ZNF7: variants seen among roughly 807,000 people sequenced by gnomAD.
ZNF7 encodes C2-H2 type zinc finger protein.
In ZNF7, 10 loss-of-function variants were observed where a neutral mutation model predicts 12.0. The observed-to-expected ratio is 0.83, with a 90% CI of 0.51 to 1.42. ZNF7 has a LOEUF of 1.42. ZNF7 is among the 40% of genes most tolerant of loss of function. The pLI is 0.00. For missense variants in ZNF7, 854 were observed against 837.2 expected (o/e 1.02, Z -0.25); for synonymous variants, 334 against 295.0 (o/e 1.13, Z -1.35).
chr8:144,842,834 C>G lies in ZNF7; in HGVS notation c.1727C>G (p.Ala576Gly). ...STLFQHQIIH[A>G]GVKPYECSEC... ...CTTTTCCAACACCAGATAATTCATG[C>G]AGGGGTGAAGCCCTATGAGTGCAGT... The change falls in exon 5 of 5, where the codon GCA (alanine) becomes GGA (glycine). Residue 576 changes from alanine (A) to glycine (G), a missense_variant. Ala to Gly is a moderately conservative substitution (Grantham distance 60, BLOSUM62 0). Coordinates refer to ENST00000532777, the MANE Select transcript of ZNF7 (RefSeq NM_003416.4). 3.1e-6 allele frequency: 5 copies of G among 1,614,156 alleles called. No individual in the cohort carries two copies. The highest frequency in any genetic ancestry group is 3.4e-6 in the Non-Finnish European group (4 of 1,180,028).
rs766069681 is a variant in ZNF7 at position 144,829,496 on chromosome 8, G to A, written c.22G>A (p.Asp8Asn). ...CTTTCAGGAGGTGGTAACATTTGGC[G>A]ATGTGGCTGTGCACTTCTCTCGGGA... The part of the protein sequence containing the change: MEVVTFG[D>N]VAVHFSREEW... Residue 8 changes from aspartate (D) to asparagine (N), a missense_variant, in exon 3 of 5, where the codon GAT becomes AAT. By Grantham distance (23) the Asp-to-Asn change is conservative. Transcript: ENST00000532777. 1.2e-6 allele frequency: 2 copies of A among 1,614,042 alleles called. No homozygotes were observed. The highest frequency in any genetic ancestry group is 1.3e-5 in the African/African-American group (1 of 74,952).
At chr8:144,836,615 T>C (rs1829025806) in intron 3 of ZNF7, 1 of 152,292 alleles carries the variant, frequency 6.6e-6, no homozygotes, top group Admixed American at 6.5e-5. Context: ...CTGTTGAATG[T>C]GGAGTCCTGC....
In ZNF7 at chr8:144,829,037, C is replaced by T; in HGVS notation, c.-45-6C>T. On this transcript the variant is annotated splice_region_variant and splice_polypyrimidine_tract_variant and intron_variant, in intron 1 of 4. Transcript: ENST00000532777. Reference sequence around the variant, plus strand: ...TGACCTCTAATCCTTTCATAATTGCCAACAGGTCTCTCGGCCAGAACACGT... The same window carrying T: ...TGACCTCTAATCCTTTCATAATTGCTAACAGGTCTCTCGGCCAGAACACGT... 2 of 1,613,572 alleles carry T rather than the reference C, an allele frequency of 1.2e-6. No homozygotes were observed. Among genetic ancestry groups the T allele is most frequent in the Non-Finnish European group, 1.7e-6 (2 of 1,179,784 alleles).
Position 144,841,286 on chromosome 8 carries a change from C to T in ZNF7, c.248-69C>T, listed in dbSNP as rs74621046. 4,410 of 1,484,368 alleles carry T rather than the reference C, an allele frequency of 3.0e-3. 103 individuals carry two copies. In the African/African-American group the frequency reaches 0.053, roughly 18 times the overall value. 91.9% of individuals were successfully genotyped at this position (1,484,368 alleles called of 1,614,324 possible). A position where few individuals can be genotyped will look rare whatever the true frequency, so the allele number is the denominator to read the frequency against. ...CCTGGGAGCCTTGAGCCCTGGCCCCCGCATTTGTAGTCTTATCATTTCTCT... is the reference window on the plus strand; with the variant it reads ...CCTGGGAGCCTTGAGCCCTGGCCCCTGCATTTGTAGTCTTATCATTTCTCT... On this transcript the variant is annotated intron_variant, in intron 4 of 4. Transcript: ENST00000532777.
chr8:144,847,100 G>A (rs886634591), downstream of ZNF7: 5 of 152,188 alleles, frequency 3.3e-5, no homozygotes, highest in African/African-American at 1.2e-4. Flanking sequence ...TTAAATTCAA[G>A]CTACTGCACA....
chr8:144,829,615 A>G lies in ZNF7; in HGVS notation c.130+11A>G, dbSNP rs1586786876. 1.3e-6 allele frequency: 2 copies of G among 1,597,864 alleles called. No individual in the cohort carries two copies. The highest frequency in any genetic ancestry group is 1.3e-5 in the African/African-American group (1 of 74,604). On this transcript the variant is annotated intron_variant, in intron 3 of 4. Coordinates refer to ENST00000532777, the MANE Select transcript of ZNF7 (RefSeq NM_003416.4). ...GTGTGGCTGGACTAGGTGAGGCTGC[A>G]CCTTGGGGCCCCTTCCCCTGCATCA... is the stretch of plus-strand genomic sequence containing the variant.
chr8:144,828,347 A>G (rs1161737428), intron 1 of ZNF7, among the ~76,000 whole-genome samples: 1 of 152,156 alleles, frequency 6.6e-6, no homozygotes, highest in African/African-American at 2.4e-5. Context: ...GGAGACTGGA[A>G]TTTATGTACT....
downstream of ZNF7, among the ~76,000 whole-genome samples, chr8:144,845,209 C>T (rs1442442570): frequency 6.6e-6 from 1 of 152,160 alleles, no homozygotes; most frequent in African/African-American, 2.4e-5. Context: ...GTGGCCATTC[C>T]ACCTAGGAGG....
chr8:144,839,677 G>C (rs1373714514), intron 4 of ZNF7, among the ~76,000 whole-genome samples: 1 of 152,252 alleles, frequency 6.6e-6, no homozygotes, highest in Admixed American at 6.5e-5. Context: ...CAGGGATGTA[G>C]CCTCTTAGAT....
chr8:144,830,814 A>C, intron 3 of ZNF7: 1 of 378,984 alleles, frequency 2.6e-6, no homozygotes, highest in Non-Finnish European at 5.3e-6. Context: ...GCTCACCGCC[A>C]CCTCCGCCTC....
intron 3 of ZNF7, 190 bp downstream of exon 3, chr8:144,829,794 G>C: frequency 1.7e-6 from 1 of 579,092 alleles, no homozygotes; most frequent in Non-Finnish European, 2.7e-6. Context: ...TCAGCCCCCA[G>C]GGAGTGGGTG....
At chr8:144,831,331 T>C (rs1261372872) in intron 3 of ZNF7, among the ~76,000 whole-genome samples, 1 of 152,196 alleles carries the variant, frequency 6.6e-6, no homozygotes, top group Non-Finnish European at 1.5e-5. Flanking sequence ...GAATTCAGCA[T>C]GTATTGTATG....
In ZNF7 at chr8:144,842,196, T is replaced by C. The variant is rs760879577; in HGVS notation, c.1089T>C (p.Pro363=). The C allele has an allele frequency of 2.5e-5, 40 of 1,613,138 alleles. No individual in the cohort carries two copies. The highest frequency in any genetic ancestry group is 3.1e-5 in the Non-Finnish European group (37 of 1,179,736). The change falls in exon 5 of 5, where the codon CCT becomes CCC. Residue 363 remains proline (P), a synonymous_variant. Transcript: ENST00000532777. The part of the protein sequence containing the change: ...QRTHTGERPY[P]CKECGKAFSQ... ...CTCACACTGGGGAGAGGCCCTACCCTTGCAAGGAGTGTGGGAAGGCCTTCA... is the reference window on the plus strand; with the variant it reads ...CTCACACTGGGGAGAGGCCCTACCCCTGCAAGGAGTGTGGGAAGGCCTTCA...
rs146857463 is a variant in ZNF7, at chr8:144,840,992, CCT to C, written c.248-362_248-361del. 7.6e-3 allele frequency: 1,676 copies of C among 219,818 alleles called. 26 individuals are homozygous for C. Among genetic ancestry groups the C allele is most frequent in the African/African-American group, 0.036 (1,578 of 43,458 alleles). 13.6% of individuals were successfully genotyped at this position (219,818 alleles called of 1,614,324 possible). On this transcript the variant is annotated intron_variant, in intron 4 of 4. Coordinates refer to ENST00000532777, the MANE Select transcript of ZNF7 (RefSeq NM_003416.4). ...CCTCGCCAGCTCGGATGCTGGAGCC[CCT>C]GACCCCGCAGCCCAATCCGTGGTAG...
intron 3 of ZNF7, among the ~76,000 whole-genome samples, chr8:144,832,702 T>G (rs1006727420): frequency 4.6e-5 from 7 of 152,198 alleles, no homozygotes; most frequent in Non-Finnish European, 1.0e-4. Context: ...CACTCCAGCC[T>G]GGGTGACAGA....
rs558708184 is a variant in ZNF7, at chr8:144,843,536, T to C, written c.*368T>C. 908 of 148,408 alleles carry C rather than the reference T, an allele frequency of 6.1e-3. 4 individuals are homozygous for C. The highest frequency in any genetic ancestry group is 8.9e-3 in the Non-Finnish European group (643 of 72,180). The allele number at this position is 148,408 out of a possible 1,614,324, so 9.2% of individuals were successfully genotyped here. ...CCAGGAGGCGGAGCTTGCAGTGAGC[T>C]GAGATCGCGCCACTGCACTCCAGCC... On this transcript the variant is annotated 3_prime_UTR_variant, in exon 5 of 5. Coordinates refer to ENST00000532777, the MANE Select transcript of ZNF7 (RefSeq NM_003416.4).
Position 144,842,041 on chromosome 8 carries a change from G to A in ZNF7, c.934G>A (p.Gly312Arg). Residue 312 changes from glycine to arginine, a missense_variant, in exon 5 of 5, where the codon GGA becomes AGA. Transcript: ENST00000532777. ...GEKPYRCEEC[G>R]KAFGQSSSLI... ...GAAGCCCTACAGATGTGAGGAATGT[G>A]GAAAAGCTTTTGGTCAGAGCTCAAG... The A allele has an allele frequency of 6.2e-7, 1 of 1,614,144 alleles. No individual in the cohort carries two copies. The highest frequency in any genetic ancestry group is 8.5e-7 in the Non-Finnish European group (1 of 1,180,006).
At chr8:144,839,827 A>G (rs931261172) in intron 4 of ZNF7, among the ~76,000 whole-genome samples, 5 of 152,238 alleles carry the variant, frequency 3.3e-5, no homozygotes, top group African/African-American at 9.6e-5. Flanking sequence ...GCCAGGTCCC[A>G]GCTGTGCACC....
At chr8:144,829,297 C>A in intron 2 of ZNF7, 181 bp from the exon 3 acceptor site, 1 of 1,536,404 alleles carries the variant, frequency 6.5e-7, no homozygotes, top group Non-Finnish European at 8.7e-7. Flanking sequence ...GTATGACCAC[C>A]ATGGACTGGG....
Sources: gnomAD v4.1 joint callset for allele counts (sites outside exome capture counted in the v4.1 genomes callset) on GRCh38, gnomAD v4.1.1 for gene constraint, MANE v1.5 for transcripts, NCBI Gene and HGNC (gene_info 2026-07-23, HGNC 2026-07-21) for gene names.